Variants in MAP7 observed in about 807,000 individuals in gnomAD.
MAP7 encodes microtubule associated protein 7.
In MAP7, 52 loss-of-function variants were observed where a neutral mutation model predicts 94.8. The ratio of observed to expected loss-of-function variants is 0.55; its 90% CI spans 0.44 to 0.69. The LOEUF (loss-of-function observed/expected upper bound fraction) is 0.69. MAP7 is among the 30% of genes least tolerant of loss of function. MAP7 has a pLI of 0.00. For synonymous variants in MAP7, 350 were observed against 357.0 expected (o/e 0.98, Z 0.22); for missense variants, 940 against 964.6 (o/e 0.97, Z 0.34).
rs1231072413 is a variant in MAP7, at chr6:136,362,643, G to A, written c.1333C>T (p.Pro445Ser). 1 of 1,608,648 alleles carries A rather than the reference G, an allele frequency of 6.2e-7. No homozygotes were observed. The highest frequency in any genetic ancestry group is 1.1e-5 in the South Asian group (1 of 90,808). ...ATGGCTGGGGTGGGGACCGGGGCTG[G>A]AGCTGGGGCCGAGGCTGGAGCTGGG... ...SAPAPASAPAPAPVPTPAMVS... is the reference protein window; with the variant it reads ...SAPAPASAPASAPVPTPAMVS... The change falls in exon 11 of 18, where the codon CCA becomes TCA. Residue 445 changes from proline to serine, a missense_variant. By Grantham distance (74) the Pro-to-Ser change is moderately conservative. Transcript: ENST00000354570.
At chr6:136,398,079 C>G (rs995192028) in intron 3 of MAP7, among the ~76,000 whole-genome samples, 1 of 152,106 alleles carries the variant, frequency 6.6e-6, no homozygotes, top group African/African-American at 2.4e-5. Flanking sequence ...TATATCAGTA[C>G]CATACAAAGG....
intron 6 of MAP7, among the ~76,000 whole-genome samples, chr6:136,379,812 C>G (rs1361469327): frequency 6.6e-6 from 1 of 152,200 alleles, no homozygotes; most frequent in Non-Finnish European, 1.5e-5. Flanking sequence ...CCATTGTAAC[C>G]TGTGGTAAAG....
intron 1 of MAP7, among the ~76,000 whole-genome samples, chr6:136,460,912 T>C (rs1302485506): frequency 6.6e-6 from 1 of 152,180 alleles, no homozygotes; most frequent in Non-Finnish European, 1.5e-5. Flanking sequence ...TCATTATACT[T>C]GTCCTAAGGT....
rs143329831 is a variant in MAP7, at chr6:136,372,501, C to T, written c.876G>A (p.Ala292=). Residue 292 remains alanine (A), a splice_region_variant and synonymous_variant, in exon 8 of 18, where the codon GCG becomes GCA. Transcript: ENST00000354570. ...CCAGCTGCTCCCAACAGCTACTCAC[C>T]GCTGTGCCATGAATGATCCTCCTGC... ...SSRRRIIHGT[A]SYKKEREREN... The T allele has an allele frequency of 3.1e-6, 5 of 1,613,808 alleles. No individual in the cohort carries two copies. Among genetic ancestry groups the T allele is most frequent in the South Asian group, 1.1e-5 (1 of 91,046 alleles).
chr6:136,421,151 C>T (rs1791218728), intron 2 of MAP7, among the ~76,000 whole-genome samples: 1 of 152,126 alleles, frequency 6.6e-6, no homozygotes, highest in Non-Finnish European at 1.5e-5. Context: ...ATGAAAGAGA[C>T]TATGAATCAG....
chr6:136,479,484 C>T (rs1186224108), intron 1 of MAP7, among the ~76,000 whole-genome samples: 1 of 152,136 alleles, frequency 6.6e-6, no homozygotes, highest in Non-Finnish European at 1.5e-5. Flanking sequence ...TGTCATTCAA[C>T]ATAGTACTGG....
At chr6:136,371,582 A>T (rs1453525821) in intron 8 of MAP7, among the ~76,000 whole-genome samples, 1 of 152,246 alleles carries the variant, frequency 6.6e-6, no homozygotes, top group Non-Finnish European at 1.5e-5. Context: ...TTAAGTGTCC[A>T]TCAGGTTTAT....
intron 1 of MAP7, among the ~76,000 whole-genome samples, chr6:136,524,047 T>C (rs1437066948): frequency 6.6e-6 from 1 of 151,860 alleles, no homozygotes; most frequent in African/African-American, 2.4e-5. Context: ...GAGACCAGCC[T>C]GGCCAATAAT....
At chr6:136,380,250 T>G (rs1175635690) in intron 6 of MAP7, among the ~76,000 whole-genome samples, 2 of 152,242 alleles carry the variant, frequency 1.3e-5, no homozygotes, top group Non-Finnish European at 2.9e-5. Context: ...ACAAACTTTA[T>G]GGATACCTGC....
intron 1 of MAP7, among the ~76,000 whole-genome samples, chr6:136,505,905 C>T (rs1057070566): frequency 1.3e-5 from 2 of 152,124 alleles, no homozygotes; most frequent in African/African-American, 4.8e-5. Context: ...AACCATTAGA[C>T]ATTGCCTGTG....
At chr6:136,349,016 C>T (rs894012447) in intron 16 of MAP7, among the ~76,000 whole-genome samples, 1 of 152,192 alleles carries the variant, frequency 6.6e-6, no homozygotes, top group African/African-American at 2.4e-5. Context: ...AGAAGAACAT[C>T]TCAGAATGAC....
At chr6:136,506,685 C>G (rs1227765121) in intron 1 of MAP7, among the ~76,000 whole-genome samples, 1 of 152,170 alleles carries the variant, frequency 6.6e-6, no homozygotes, top group African/African-American at 2.4e-5. Context: ...TTCCTTTCAC[C>G]TCCAAAAAGG....
intron 2 of MAP7, among the ~76,000 whole-genome samples, chr6:136,419,353 TACAGCACCA>T (rs1427984567): frequency 4.8e-4 from 73 of 152,176 alleles, no homozygotes; most frequent in African/African-American, 1.7e-3. Flanking sequence ...ACCAGAGAAA[TACAGCACCA>T]ACAACTAAGC....
chr6:136,505,251 ATGTGTGTG>A lies in MAP7; in HGVS notation c.67+45083_67+45090del, dbSNP rs67294964. ...CAATTGTATATTACATTTCCATGTA[ATGTGTGTG>A]TGTGTGTGTGTGTGTGTGTATATAT... On this transcript the variant is annotated intron_variant, in intron 1 of 17. Transcript: ENST00000354570. 7.7e-4 allele frequency among the ~76,000 whole-genome samples: 67 copies of A among 87,450 alleles called. 1 individual carries two copies. The highest frequency in any genetic ancestry group is 2.9e-3 in the African/African-American group (62 of 21,204). 57.4% of individuals were successfully genotyped at this position (87,450 alleles called of 152,430 possible).
At position 136,366,321 on chromosome 6, in the gene MAP7, A is replaced by G. The variant is rs765357058; in HGVS notation, c.989+6T>C. ...CAACCCAGCCAGCCACTTATATTTC[A>G]CTTACCAAAGTCGGGAGCGAGCTGG... On this transcript the variant is annotated splice_donor_region_variant and intron_variant, in intron 9 of 17. Transcript: ENST00000354570. 129 of 1,610,206 alleles carry G rather than the reference A, an allele frequency of 8.0e-5. 2 individuals are homozygous for G. The highest frequency in any genetic ancestry group is 2.4e-4 in the South Asian group (22 of 91,000).
intron 3 of MAP7, 122 bp from the exon 4 acceptor site, chr6:136,389,639 T>C (rs1780150559): frequency 1.2e-6 from 1 of 834,090 alleles, no homozygotes; most frequent in Non-Finnish European, 1.9e-6. Flanking sequence ...TTTAGTTTTG[T>C]ATTAACCAAG....
intron 1 of MAP7, among the ~76,000 whole-genome samples, chr6:136,483,777 A>G (rs539884877): frequency 3.7e-3 from 557 of 152,322 alleles, no homozygotes; most frequent in Non-Finnish European, 5.7e-3. Context: ...CTCCATTTCT[A>G]TTACAACTGT....
intron 1 of MAP7, among the ~76,000 whole-genome samples, chr6:136,529,209 G>T (rs1828273953): frequency 6.6e-6 from 1 of 152,160 alleles, no homozygotes; most frequent in South Asian, 2.1e-4. Flanking sequence ...CCACCTCGCG[G>T]GTTCAAGTGA....
At chr6:136,441,401 C>T (rs1016934615) in intron 1 of MAP7, among the ~76,000 whole-genome samples, 8 of 152,074 alleles carry the variant, frequency 5.3e-5, no homozygotes, top group Admixed American at 3.9e-4. Flanking sequence ...AAAATGTTCA[C>T]GAAATCAAAT....
Sources: gnomAD v4.1 joint callset for allele counts (sites outside exome capture counted in the v4.1 genomes callset) on GRCh38, gnomAD v4.1.1 for gene constraint, MANE v1.5 for transcripts, NCBI Gene and HGNC (gene_info 2026-07-23, HGNC 2026-07-21) for gene names.